ANHX: variants seen among roughly 807,000 people sequenced by gnomAD.
ANHX encodes the protein anomalous homeobox protein.
ANHX carries 20 observed loss-of-function variants against 38.9 expected under a neutral mutation model. That is an observed-to-expected ratio of 0.51 (90% CI 0.36 to 0.75). The LOEUF (loss-of-function observed/expected upper bound fraction) is 0.75. Among genes scored for constraint, ANHX ranks in the 30% least tolerant of loss-of-function variants. The pLI is 0.00. For synonymous variants in ANHX, 185 were observed against 203.1 expected, an observed-to-expected ratio of 0.91 and a Z score of 0.76; for missense variants, 475 against 493.1, an observed-to-expected ratio of 0.96 and a Z score of 0.35.
At chr12:133,234,462 A>T in intron 1 of ANHX, 84 bp from the exon 2 acceptor site, 2 of 1,441,304 alleles carry the variant, frequency 1.4e-6, no homozygotes. Flanking sequence ...TCTGCAAAGC[A>T]GGTGATGCAC....
intron 1 of ANHX, chr12:133,235,038 C>G (rs1792665833): frequency 6.6e-6 from 1 of 152,376 alleles, no homozygotes; most frequent in African/African-American, 2.4e-5. Flanking sequence ...CGCGAAGAAC[C>G]AGGTAGGCTG....
chr12:133,232,674 G>C (rs529453435), intron 2 of ANHX, among the ~76,000 whole-genome samples: 13 of 152,330 alleles, frequency 8.5e-5, no homozygotes, highest in Middle Eastern at 3.4e-3. Context: ...GGGTCACCCT[G>C]ACTGAGCTTC....
chr12:133,234,423 C>A, intron 1 of ANHX, 45 bp from the exon 2 acceptor site: 1 of 1,488,916 alleles, frequency 6.7e-7, no homozygotes, highest in Non-Finnish European at 8.9e-7. Flanking sequence ...CTGACCACGT[C>A]CTTTCTGTCA....
chr12:133,221,116 T>A lies in ANHX; in HGVS notation c.1280+89A>T. The A allele has an allele frequency of 6.8e-7, 1 of 1,468,864 alleles. No individual in the cohort carries two copies. The highest frequency in any genetic ancestry group is 9.1e-7 in the Non-Finnish European group (1 of 1,102,370). 91.0% of individuals were successfully genotyped at this position (1,468,864 alleles called of 1,614,324 possible). A position where few individuals can be genotyped will look rare whatever the true frequency, so the allele number is the denominator to read the frequency against. On this transcript the variant is annotated intron_variant, in intron 8 of 9. Transcript: ENST00000545940. The surrounding 1 kb of genome is among the most constrained non-coding windows in gnomAD (Gnocchi z 4.1). ...AAAGGAGAGGACCCTATCTGCACAG[T>A]CCGGGACGGTGAGTCTATAAACTGG...
intron 4 of ANHX, 65 bp from the exon 5 acceptor site, chr12:133,227,217 G>A: frequency 6.8e-7 from 1 of 1,478,226 alleles, no homozygotes; most frequent in Non-Finnish European, 9.0e-7. Context: ...GTGTGCAGAA[G>A]TGGCTCAGAC....
chr12:133,223,386 C>G (rs1305382073), intron 7 of ANHX, among the ~76,000 whole-genome samples: 1 of 149,554 alleles, frequency 6.7e-6, no homozygotes, highest in Non-Finnish European at 1.5e-5. Flanking sequence ...AGGAACTTAT[C>G]AAAGATACGA....
At chr12:133,219,692 G>C (rs1332822682) in intron 8 of ANHX, among the ~76,000 whole-genome samples, 7 of 152,188 alleles carry the variant, frequency 4.6e-5, no homozygotes, top group Admixed American at 4.6e-4. Context: ...CAGTCACTCA[G>C]GACAAGGGGC....
intron 2 of ANHX, 80 bp downstream of exon 2, chr12:133,234,028 T>C (rs1957325432): frequency 2.8e-5 from 42 of 1,481,598 alleles, no homozygotes; most frequent in Non-Finnish European, 3.5e-5. Flanking sequence ...TGGGTACTGC[T>C]GCAGTGCCGG....
chr12:133,221,115 G>T lies in ANHX; in HGVS notation c.1280+90C>A. 6.8e-7 allele frequency: 1 copy of T among 1,466,122 alleles called. No homozygotes were observed. Among genetic ancestry groups the T allele is most frequent in the Non-Finnish European group, 9.1e-7 (1 of 1,100,374 alleles). The allele number at this position is 1,466,122 out of a possible 1,614,324, so 90.8% of individuals were successfully genotyped here. ...CAAAGGAGAGGACCCTATCTGCACA[G>T]TCCGGGACGGTGAGTCTATAAACTG... On this transcript the variant is annotated intron_variant, in intron 8 of 9. Transcript: ENST00000545940. The surrounding 1 kb of genome is among the most constrained non-coding windows in gnomAD (Gnocchi z 4.1).
At chr12:133,222,212 T>G (rs979284669) in intron 7 of ANHX, among the ~76,000 whole-genome samples, 1 of 152,204 alleles carries the variant, frequency 6.6e-6, no homozygotes, top group Non-Finnish European at 1.5e-5. Context: ...GACATTCTAG[T>G]TCCATCCATC....
Position 133,221,263 on chromosome 12 carries a change from C to T in ANHX, c.1222G>A (p.Gly408Ser). 1 of 1,536,010 alleles carries T rather than the reference C, an allele frequency of 6.5e-7. No individual in the cohort carries two copies. The highest frequency in any genetic ancestry group is 8.7e-7 in the Non-Finnish European group (1 of 1,146,882). ...GGGGGCTGTGTCACCAGGAAGCTGC[C>T]CACCCGTAGCTCTGTCCGTCCACTG... ...TSSGRTELRV[G>S]SFLVTQPPLQ... Residue 408 changes from glycine (G) to serine (S), a missense_variant, in exon 8 of 10, where the codon GGC becomes AGC. Physicochemically the swap from Gly to Ser is moderately conservative, Grantham distance 56. Coordinates refer to ENST00000545940, the MANE Select transcript of ANHX (RefSeq NM_001372060.1). The surrounding 1 kb of genome is among the most constrained non-coding windows in gnomAD (Gnocchi z 4.1).
chr12:133,233,346 G>A (rs575002582), intron 2 of ANHX, among the ~76,000 whole-genome samples: 9 of 152,350 alleles, frequency 5.9e-5, no homozygotes, highest in African/African-American at 2.2e-4. Context: ...TGAGGGGTTG[G>A]AAGGAACCGA....
intron 3 of ANHX, among the ~76,000 whole-genome samples, chr12:133,230,015 A>G (rs572425033): frequency 6.6e-6 from 1 of 152,350 alleles, no homozygotes; most frequent in East Asian, 1.9e-4. Context: ...GACTAGGACC[A>G]GCCTGCACTG....
chr12:133,230,878 A>G (rs1957263027), intron 3 of ANHX, among the ~76,000 whole-genome samples: 1 of 151,996 alleles, frequency 6.6e-6, no homozygotes, highest in Non-Finnish European at 1.5e-5. Flanking sequence ...CTCATCCATA[A>G]GTGGTGATGA....
At chr12:133,228,214 T>C (rs1593967777) in intron 3 of ANHX, among the ~76,000 whole-genome samples, 2 of 152,114 alleles carry the variant, frequency 1.3e-5, no homozygotes, top group Non-Finnish European at 2.9e-5. Context: ...TCTCAGCCCA[T>C]GGAGCCCCGA....
chr12:133,221,034 C>G lies in ANHX; in HGVS notation c.1280+171G>C, dbSNP rs1012973200. ...GTTTTGGGCTCTCCTGAGAGAAAAA[C>G]TACCCTTTTCTTCATAGGTGTAGGC... is the stretch of plus-strand genomic sequence containing the variant. On this transcript the variant is annotated intron_variant, in intron 8 of 9. Coordinates refer to ENST00000545940, the MANE Select transcript of ANHX (RefSeq NM_001372060.1). The surrounding 1 kb of genome is among the most constrained non-coding windows in gnomAD (Gnocchi z 4.1). Among the ~76,000 whole-genome samples, 3 of 152,218 alleles carry G rather than the reference C, an allele frequency of 2.0e-5. No individual in the cohort carries two copies. Among genetic ancestry groups the G allele is most frequent in the Admixed American group, 1.3e-4 (2 of 15,280 alleles).
rs138391823 is a variant in ANHX, at chr12:133,228,973, G to A, written c.378-1026C>T. Among the ~76,000 whole-genome samples, 129 of 152,218 alleles carry A rather than the reference G, an allele frequency of 8.5e-4. 1 individual carries two copies. Among genetic ancestry groups the A allele is most frequent in the Middle Eastern group, 3.4e-3 (1 of 292 alleles). ...AGCACTTGCCCAGCTCACACAATCC[G>A]AAGTTCATTTCTCAGCTCTCCTCTT... On this transcript the variant is annotated intron_variant, in intron 3 of 9. Coordinates refer to ENST00000545940, the MANE Select transcript of ANHX (RefSeq NM_001372060.1).
intron 3 of ANHX, among the ~76,000 whole-genome samples, chr12:133,230,812 C>T (rs2135572115): frequency 6.6e-6 from 1 of 152,184 alleles, no homozygotes; most frequent in South Asian, 2.1e-4. Flanking sequence ...AGCGTCCTGG[C>T]TTTGCAACTC....
chr12:133,225,147 A>G (rs1051249483), intron 7 of ANHX, among the ~76,000 whole-genome samples: 12 of 152,158 alleles, frequency 7.9e-5, no homozygotes, highest in African/African-American at 2.9e-4. Context: ...AGCTAAAATC[A>G]TGGGATCTCT....
Sources: allele counts gnomAD v4.1 joint callset (sites outside exome capture counted in the v4.1 genomes callset), GRCh38; gene constraint gnomAD v4.1.1; non-coding constraint Gnocchi (gnomAD v3.1); transcripts MANE v1.5; gene names NCBI Gene and HGNC (gene_info 2026-07-23, HGNC 2026-07-21).